ASCC3: variants seen among roughly 807,000 people sequenced by gnomAD.
The protein encoded by ASCC3 is ASC-1 complex subunit P200.
In ASCC3, 158 loss-of-function variants were observed where a neutral mutation model predicts 256.3. The observed-to-expected ratio is 0.62, with a 90% CI of 0.54 to 0.70. The LOEUF (loss-of-function observed/expected upper bound fraction) is 0.70. Ranked by LOEUF, ASCC3 falls within the 30% of genes least tolerant of loss-of-function variation. The pLI is 0.00. For synonymous variants in ASCC3, 948 were observed against 883.4 expected (o/e 1.07, Z -1.30); for missense variants, 2,259 against 2,626.0 (o/e 0.86, Z 3.05).
chr6:100,647,043 T>C (rs1316116775), intron 21 of ASCC3, among the ~76,000 whole-genome samples, 183 bp downstream of exon 21: 1 of 152,172 alleles, frequency 6.6e-6, no homozygotes, highest in Non-Finnish European at 1.5e-5. Flanking sequence ...TAAACTACTA[T>C]AAACAGACTC....
intron 20 of ASCC3, among the ~76,000 whole-genome samples, chr6:100,648,585 T>C (rs1179164419): frequency 6.6e-6 from 1 of 151,994 alleles, no homozygotes; most frequent in Non-Finnish European, 1.5e-5. Flanking sequence ...TACAAAATGG[T>C]AGATAGAAGT....
At chr6:100,717,062 G>C (rs1433014876) in intron 12 of ASCC3, among the ~76,000 whole-genome samples, 3 of 151,778 alleles carry the variant, frequency 2.0e-5, no homozygotes, top group Non-Finnish European at 4.4e-5. Context: ...CAATTATGAA[G>C]CTTAAAATAT....
At chr6:100,597,973 CAAAAAA>C (rs34634494) in intron 34 of ASCC3, among the ~76,000 whole-genome samples, 1 of 88,046 alleles carries the variant, frequency 1.1e-5, no homozygotes, top group Non-Finnish European at 2.3e-5. Flanking sequence ...GACTCCGTCT[CAAAAAA>C]AAAAAAAAAA....
intron 30 of ASCC3, among the ~76,000 whole-genome samples, chr6:100,622,105 C>T (rs1351036156): frequency 6.6e-6 from 1 of 151,928 alleles, no homozygotes; most frequent in Non-Finnish European, 1.5e-5. Flanking sequence ...GGGAGAATAT[C>T]AGGAAGAACA....
At chr6:100,787,724 T>C (rs1769159654) in intron 8 of ASCC3, among the ~76,000 whole-genome samples, 1 of 152,050 alleles carries the variant, frequency 6.6e-6, no homozygotes. Flanking sequence ...AACAAATCAA[T>C]GTAGAGAGAA....
At chr6:100,575,481 A>G (rs906309520) in intron 36 of ASCC3, among the ~76,000 whole-genome samples, 1 of 152,118 alleles carries the variant, frequency 6.6e-6, no homozygotes, top group Non-Finnish European at 1.5e-5. Context: ...GCTTTTAAAG[A>G]GAACAGTACT....
chr6:100,815,679 T>C (rs1770710380), intron 4 of ASCC3, among the ~76,000 whole-genome samples: 1 of 152,190 alleles, frequency 6.6e-6, no homozygotes, highest in Middle Eastern at 3.4e-3. Flanking sequence ...GACTCCATAT[T>C]CAATAAATGG....
At chr6:100,625,167 G>A (rs1774162921) in intron 30 of ASCC3, 25 bp downstream of exon 30, 5 of 1,610,800 alleles carry the variant, frequency 3.1e-6, no homozygotes, top group Non-Finnish European at 4.2e-6. Flanking sequence ...CGTGTAAGTA[G>A]TAGAAGATAA....
chr6:100,721,792 TTTG>T (rs199678795), intron 11 of ASCC3, among the ~76,000 whole-genome samples: 1 of 115,238 alleles, frequency 8.7e-6, no homozygotes, highest in Non-Finnish European at 2.0e-5. Context: ...TGTCAAATTT[TTTG>T]TTGTTGTTGT....
intron 39 of ASCC3, among the ~76,000 whole-genome samples, chr6:100,514,272 T>C (rs993752657): frequency 6.6e-6 from 1 of 152,100 alleles, no homozygotes; most frequent in Non-Finnish European, 1.5e-5. Context: ...CTAGAACCCA[T>C]AGTCACTAAG....
At chr6:100,765,797 A>G (rs1448774011) in intron 10 of ASCC3, among the ~76,000 whole-genome samples, 2 of 152,214 alleles carry the variant, frequency 1.3e-5, no homozygotes, top group South Asian at 2.1e-4. Flanking sequence ...GTATTTTGCT[A>G]TGGGGGCCCT....
intron 13 of ASCC3, among the ~76,000 whole-genome samples, chr6:100,690,726 C>T (rs1303131956): frequency 6.6e-6 from 1 of 152,082 alleles, no homozygotes; most frequent in Non-Finnish European, 1.5e-5. Flanking sequence ...AGTCTTCATT[C>T]ATGAAGTTAT....
At chr6:100,841,803 GCAGTAGGAGTATTAT>G (rs1375376947) in intron 4 of ASCC3, among the ~76,000 whole-genome samples, 1 of 152,088 alleles carries the variant, frequency 6.6e-6, no homozygotes, top group Non-Finnish European at 1.5e-5. Context: ...GGACTGAATG[GCAGTAGGAGTATTAT>G]CAGTTAGCAA....
intron 1 of ASCC3, among the ~76,000 whole-genome samples, chr6:100,877,705 C>T (rs934443118): frequency 6.6e-6 from 1 of 152,114 alleles, no homozygotes; most frequent in Non-Finnish European, 1.5e-5. Context: ...AAGGCAGAGA[C>T]AGACAAAAAC....
chr6:100,725,717 C>T lies in ASCC3; in HGVS notation c.1738-14G>A. 6.2e-7 allele frequency: 1 copy of T among 1,611,908 alleles called. No individual in the cohort carries two copies. The highest frequency in any genetic ancestry group is 2.2e-5 in the East Asian group (1 of 44,770). On this transcript the variant is annotated splice_polypyrimidine_tract_variant and intron_variant, in intron 10 of 41. Coordinates refer to ENST00000369162, the MANE Select transcript of ASCC3 (RefSeq NM_006828.4). ...GGTCACAAGCATCTATAAGAGAAGA[C>T]ACATTTTAAAAGGGGAAAGTTACAT...
chr6:100,638,905 G>A, intron 24 of ASCC3, 84 bp from the exon 25 acceptor site: 1 of 1,123,574 alleles, frequency 8.9e-7, no homozygotes. Context: ...ATAGATTATA[G>A]TAATCCTTAG....
chr6:100,638,580 A>G (rs1774959893), intron 25 of ASCC3, 21 bp downstream of exon 25: 2 of 1,552,714 alleles, frequency 1.3e-6, no homozygotes, highest in Non-Finnish European at 1.8e-6. Flanking sequence ...ATTAAATGTA[A>G]GTATGATTCT....
intron 13 of ASCC3, among the ~76,000 whole-genome samples, chr6:100,682,113 AT>A (rs970295322): frequency 2.0e-5 from 3 of 152,128 alleles, no homozygotes; most frequent in African/African-American, 7.2e-5. Flanking sequence ...AGCAAGGCAA[AT>A]TTTTTTTCTC....
chr6:100,796,351 A>G (rs1382269464), intron 8 of ASCC3, among the ~76,000 whole-genome samples: 1 of 152,146 alleles, frequency 6.6e-6, no homozygotes, highest in Non-Finnish European at 1.5e-5. Flanking sequence ...GACATTTATT[A>G]AACAGAATGA....
Sources: gnomAD v4.1 joint callset for allele counts (sites outside exome capture counted in the v4.1 genomes callset) on GRCh38, gnomAD v4.1.1 for gene constraint, MANE v1.5 for transcripts, NCBI Gene and HGNC (gene_info 2026-07-23, HGNC 2026-07-21) for gene names.